Variants in MGAT5B observed in about 807,000 individuals in gnomAD.
MGAT5B encodes the protein N-acetylglucosaminyl-transferase Vb.
Under a neutral mutation model 95.1 loss-of-function variants are expected in MGAT5B, and 54 were observed. The observed-to-expected ratio is 0.57, with a 90% CI of 0.46 to 0.71. The LOEUF is 0.71. Ranked by LOEUF, MGAT5B falls within the 30% of genes least tolerant of loss-of-function variation. The pLI is 0.00. For synonymous variants in MGAT5B, 464 were observed against 451.0 expected, an observed-to-expected ratio of 1.03 and a Z score of -0.36; for missense variants, 935 against 1,088.6, an observed-to-expected ratio of 0.86 and a Z score of 1.99.
intron 8 of MGAT5B, among the ~76,000 whole-genome samples, chr17:76,920,288 CA>C (rs761531231): frequency 0.069 from 10,424 of 152,084 alleles, 469 homozygotes; most frequent in East Asian, 0.21. Flanking sequence ...ACTGAGAGTA[CA>C]AGAGAAATGA....
intron 3 of MGAT5B, among the ~76,000 whole-genome samples, chr17:76,885,133 A>T (rs1408343078): frequency 2.0e-5 from 3 of 152,244 alleles, no homozygotes; most frequent in East Asian, 3.9e-4. Flanking sequence ...CGTGGTGGAG[A>T]TGGGGAGTGC....
At chr17:76,941,037 G>GA (rs531359672) in intron 15 of MGAT5B, among the ~76,000 whole-genome samples, 189 bp downstream of exon 15, 121 of 152,346 alleles carry the variant, frequency 7.9e-4, no homozygotes, top group African/African-American at 2.6e-3. Context: ...TGGAATGGGG[G>GA]ATCCCATTCA....
intron 10 of MGAT5B, among the ~76,000 whole-genome samples, chr17:76,927,867 G>T (rs374835009): frequency 6.6e-6 from 1 of 152,236 alleles, no homozygotes; most frequent in African/African-American, 2.4e-5. Flanking sequence ...GCCTTGTTAG[G>T]ATTGCATCTG....
chr17:76,875,734 T>C (rs1967165789), intron 2 of MGAT5B, among the ~76,000 whole-genome samples: 1 of 144,438 alleles, frequency 6.9e-6, no homozygotes, highest in Non-Finnish European at 1.5e-5. Context: ...CATCCGACCA[T>C]TGGTGGGCAT....
At position 76,904,436 on chromosome 17, in the gene MGAT5B, G is replaced by A. The variant is rs746765660; in HGVS notation, c.690+14G>A. On this transcript the variant is annotated intron_variant, in intron 6 of 17. Transcript: ENST00000569840. ...CCCAAAGTCCAGGTGGGCCTGGGAG[G>A]TGGGTGGGCCGGTGAGGGGCTGGTG... 5 of 1,550,680 alleles carry A rather than the reference G, an allele frequency of 3.2e-6. No homozygotes were observed. Among genetic ancestry groups the A allele is most frequent in the African/African-American group, 1.4e-5 (1 of 73,356 alleles).
chr17:76,931,807 G>C (rs1336472491), intron 10 of MGAT5B, among the ~76,000 whole-genome samples: 1 of 152,250 alleles, frequency 6.6e-6, no homozygotes, highest in Non-Finnish European at 1.5e-5. Flanking sequence ...CAGTCACGGA[G>C]AAGGTGGAGA....
chr17:76,885,479 T>G (rs576456269), intron 3 of MGAT5B, among the ~76,000 whole-genome samples: 95 of 152,330 alleles, frequency 6.2e-4, no homozygotes, highest in African/African-American at 2.1e-3. Flanking sequence ...GTCTGCCTTC[T>G]TGGGCTGGGG....
At chr17:76,944,803 G>A (rs976901264) in intron 15 of MGAT5B, among the ~76,000 whole-genome samples, 2 of 152,246 alleles carry the variant, frequency 1.3e-5, no homozygotes, top group Non-Finnish European at 2.9e-5. Context: ...CTCCTAAGAA[G>A]TGGGGTACAC....
Position 76,947,830 on chromosome 17 carries a change from G to T in MGAT5B, c.1924G>T (p.Asp642Tyr). ...ERIHAYIQHQ[D>Y]FCRAPDPALP... is the part of the protein sequence containing the mutation. The stretch of plus-strand genomic sequence containing the variant: ...CCTGACACTGCTCTCCTCCTTGCAG[G>T]ACTTCTGCAGAGCTCCAGACCCTGC... The change falls in exon 17 of 18, where the codon GAC (aspartate) becomes TAC (tyrosine). Residue 642 changes from aspartate (D) to tyrosine (Y), a missense_variant and splice_region_variant. By Grantham distance (160) the Asp-to-Tyr change is radical (BLOSUM62 -3). Transcript: ENST00000569840. 6.5e-7 allele frequency: 1 copy of T among 1,549,516 alleles called. No individual in the cohort carries two copies. The highest frequency in any genetic ancestry group is 8.7e-7 in the Non-Finnish European group (1 of 1,144,894).
At chr17:76,922,263 GGATTGTCTTAATTTTACTA>G (rs1274850531) in intron 8 of MGAT5B, among the ~76,000 whole-genome samples, 1 of 152,194 alleles carries the variant, frequency 6.6e-6, no homozygotes, top group Non-Finnish European at 1.5e-5. Flanking sequence ...TGTATTTTCA[GGATTGTCTTAATTTTACTA>G]GACCCAGATT....
At chr17:76,927,735 C>T (rs1040824154) in intron 10 of MGAT5B, among the ~76,000 whole-genome samples, 1 of 152,360 alleles carries the variant, frequency 6.6e-6, no homozygotes, top group African/African-American at 2.4e-5. Context: ...GTTCACGCTG[C>T]GCTCTTCCAC....
intron 15 of MGAT5B, among the ~76,000 whole-genome samples, chr17:76,942,536 T>C (rs1041963830): frequency 3.3e-5 from 5 of 151,908 alleles, no homozygotes; most frequent in Admixed American, 3.3e-4. Flanking sequence ...CAAAAAAATT[T>C]TAAAAAGATA....
At position 76,924,954 on chromosome 17, in the gene MGAT5B, CTCTTCT is replaced by C; in HGVS notation, c.1026-11_1026-6del. The C allele has an allele frequency of 6.2e-7, 1 of 1,611,936 alleles. No individual in the cohort carries two copies. The highest frequency in any genetic ancestry group is 8.5e-7 in the Non-Finnish European group (1 of 1,179,402). On this transcript the variant is annotated splice_polypyrimidine_tract_variant and splice_region_variant and intron_variant, in intron 8 of 17. Coordinates refer to ENST00000569840, the MANE Select transcript of MGAT5B (RefSeq NM_001199172.2). ...TTCTTGGGGCCCAGAATCTGAAGGG[CTCTTCT>C]CTCAGTAACTTAGGGGTACCGCCAG...
rs903258266 is a variant in MGAT5B at position 76,928,103 on chromosome 17, A to G, written c.1291+1373A>G. Among the ~76,000 whole-genome samples the G allele has an allele frequency of 8.5e-5, 13 of 152,092 alleles. No individual in the cohort carries two copies. The East Asian group carries it at 2.1e-3, about 25-fold the overall frequency. ...AATCCCAGAAGGTTGGGAAAGTGGG[A>G]AGGTTCCTGGGGCTCATGCAGTCCA... On this transcript the variant is annotated intron_variant, in intron 10 of 17. Transcript: ENST00000569840.
Position 76,932,878 on chromosome 17 carries a change from C to G in MGAT5B, c.1422+103C>G. The G allele has an allele frequency of 6.8e-6, 10 of 1,481,036 alleles. No homozygotes were observed. In the South Asian group the frequency reaches 1.3e-4, roughly 19 times the overall value. The allele number at this position is 1,481,036 out of a possible 1,614,324, so 91.7% of individuals were successfully genotyped here. A position where few individuals can be genotyped will look rare whatever the true frequency, so the allele number is the denominator to read the frequency against. On this transcript the variant is annotated intron_variant, in intron 11 of 17. Transcript: ENST00000569840. ...CCAGGATGCGGTGCCCTCCTCCCGC[C>G]CCAGCCCTGCATGCTGGAAATGTCT...
At chr17:76,876,908 T>G (rs1967213879) in intron 2 of MGAT5B, among the ~76,000 whole-genome samples, 1 of 152,160 alleles carries the variant, frequency 6.6e-6, no homozygotes. Context: ...TCTGCCCCAC[T>G]TCCCACCCCA....
At chr17:76,933,323 C>G in intron 12 of MGAT5B, 26 bp downstream of exon 12, 1 of 1,598,180 alleles carries the variant, frequency 6.3e-7, no homozygotes, top group Non-Finnish European at 8.5e-7. Context: ...GCCGCCTGCC[C>G]CCTCTACCCT....
At chr17:76,896,122 C>T (rs1968057701) in intron 3 of MGAT5B, among the ~76,000 whole-genome samples, 1 of 152,250 alleles carries the variant, frequency 6.6e-6, no homozygotes, top group Non-Finnish European at 1.5e-5. Flanking sequence ...TCCCCCCAGT[C>T]CAGCCCCTCT....
chr17:76,898,795 A>G (rs1968194389), intron 3 of MGAT5B, among the ~76,000 whole-genome samples: 1 of 152,186 alleles, frequency 6.6e-6, no homozygotes, highest in African/African-American at 2.4e-5. Flanking sequence ...CCCGAGCAGT[A>G]TACACTGCAC....
Sources: allele counts gnomAD v4.1 joint callset (sites outside exome capture counted in the v4.1 genomes callset), GRCh38; gene constraint gnomAD v4.1.1; transcripts MANE v1.5; gene names NCBI Gene and HGNC (gene_info 2026-07-23, HGNC 2026-07-21).